MYH4: variants seen among roughly 807,000 people sequenced by gnomAD.
MYH4 encodes myosin heavy chain 4, also known as myosin-4.
A neutral mutation model predicts 229.9 loss-of-function variants in MYH4; 200 were observed. The observed-to-expected ratio is 0.87, with a 90% CI of 0.78 to 0.98. The LOEUF (loss-of-function observed/expected upper bound fraction) is 0.98. Among genes scored for constraint, MYH4 ranks in the 50% least tolerant of loss-of-function variants. MYH4 has a pLI of 0.00. For synonymous variants in MYH4, 761 were observed against 834.6 expected (o/e 0.91, Z 1.52); for missense variants, 2,148 against 2,332.6 (o/e 0.92, Z 1.63).
intron 27 of MYH4, 141 bp from the exon 28 acceptor site, chr17:10,451,593 T>A: frequency 1.1e-6 from 1 of 910,382 alleles, no homozygotes; most frequent in Non-Finnish European, 1.6e-6. Flanking sequence ...TATAAAGTAG[T>A]AGAGGCATTT....
rs1567698704 is a variant in MYH4, at chr17:10,448,057, T to G, written c.4726A>C (p.Ile1576Leu). ...TCTTTTTCAGCAATTTTTCGGTCAA[T>G]CTCAGATTTCACCTGATTTAGCTCA... ...QLELNQVKSE[I>L]DRKIAEKDEE... Residue 1576 changes from isoleucine to leucine, a missense_variant, in exon 34 of 40, where the codon ATT (isoleucine) becomes CTT (leucine). Ile to Leu is a conservative substitution (Grantham distance 5). Coordinates refer to ENST00000255381, the MANE Select transcript of MYH4 (RefSeq NM_017533.2). 3.1e-6 allele frequency: 5 copies of G among 1,614,126 alleles called. No individual in the cohort carries two copies. Among genetic ancestry groups the G allele is most frequent in the Non-Finnish European group, 4.2e-6 (5 of 1,180,010 alleles).
intron 11 of MYH4, 100 bp downstream of exon 11, chr17:10,462,765 T>C: frequency 1.1e-6 from 1 of 939,174 alleles, no homozygotes; most frequent in East Asian, 2.5e-5. Context: ...TTGTATTACC[T>C]ATTTATAGTC....
At chr17:10,454,509 G>A (rs367546389) in intron 22 of MYH4, 46 bp downstream of exon 22, 16 of 1,584,776 alleles carry the variant, frequency 1.0e-5, no homozygotes, top group East Asian at 2.2e-5. Flanking sequence ...ATTTTAAAAC[G>A]TTAAAAGTAA....
intron 15 of MYH4, among the ~76,000 whole-genome samples, chr17:10,458,657 A>G (rs899132610): frequency 1.3e-5 from 2 of 152,210 alleles, no homozygotes; most frequent in Non-Finnish European, 2.9e-5. Context: ...GGAAGTGTTT[A>G]ACGATTGCTT....
chr17:10,452,468 T>G lies in MYH4; in HGVS notation c.3296A>C (p.Glu1099Ala). The change falls in exon 26 of 40, where the codon GAA (glutamate) becomes GCA (alanine). Residue 1099 changes from glutamate (E) to alanine (A), a missense_variant. Physicochemically the swap from Glu to Ala is moderately radical, Grantham distance 107. Transcript: ENST00000255381. ...FEMSNLQGKI[E>A]DEQALAIQLQ... ...CTGTATTGCAAGGGCTTGTTCATCT[T>G]CAATCTTGCCTTGCAGATTGCTCAT... 1.9e-6 allele frequency: 3 copies of G among 1,614,148 alleles called. No individual in the cohort carries two copies. The highest frequency in any genetic ancestry group is 2.5e-6 in the Non-Finnish European group (3 of 1,180,004).
chr17:10,462,096 G>C (rs2072709552), intron 11 of MYH4, among the ~76,000 whole-genome samples: 1 of 152,150 alleles, frequency 6.6e-6, no homozygotes, highest in South Asian at 2.1e-4. Context: ...TTGACTTCTT[G>C]AAAATAATAT....
chr17:10,452,364 A>T, intron 26 of MYH4, 34 bp from the exon 27 acceptor site: 7 of 1,614,118 alleles, frequency 4.3e-6, no homozygotes, highest in Admixed American at 1.7e-5. Context: ...ATGTGAATTT[A>T]TGTCAGTTTT....
chr17:10,464,459 A>C lies in MYH4; in HGVS notation c.648+13T>G. 1 of 1,605,764 alleles carries C rather than the reference A, an allele frequency of 6.2e-7. No homozygotes were observed. Among genetic ancestry groups the C allele is most frequent in the South Asian group, 1.1e-5 (1 of 90,478 alleles). The stretch of plus-strand genomic sequence containing the variant: ...AATCTGTTATTCTGTCCTTAGATGA[A>C]TATCATGCCCACCTGCATTTTGCCA... On this transcript the variant is annotated intron_variant, in intron 7 of 39. Coordinates refer to ENST00000255381, the MANE Select transcript of MYH4 (RefSeq NM_017533.2).
At position 10,445,037 on chromosome 17, in the gene MYH4, T is replaced by C. The variant is rs2277649; in HGVS notation, c.5405A>G (p.Asp1802Gly). ...CTTCAGCGCCAGCTGCTCAGCCTCA[T>C]CCAGACGGAGCTGCAGATCCTTCAC... is the stretch of plus-strand genomic sequence containing the variant. ...QTVKDLQLRL[D>G]EAEQLALKGG... Residue 1802 changes from aspartate to glycine, a missense_variant, in exon 37 of 40, where the codon GAT (aspartate) becomes GGT (glycine). By Grantham distance (94) the Asp-to-Gly change is moderately conservative. Coordinates refer to ENST00000255381, the MANE Select transcript of MYH4 (RefSeq NM_017533.2). 0.38 allele frequency: 611,849 copies of C among 1,613,872 alleles called. 124,462 individuals are homozygous for C. The highest frequency in any genetic ancestry group is 0.81 in the East Asian group (36,273 of 44,868).
In MYH4 at chr17:10,457,510, G is replaced by A. The variant is rs1459477575; in HGVS notation, c.1807C>T (p.Pro603Ser). ...AGCCCCACCACAGTCTCATTCAGGGGGTCCTTGTTTTTGTCCAGCCAGCCG... is the reference window on the plus strand; with the variant it reads ...AGCCCCACCACAGTCTCATTCAGGGAGTCCTTGTTTTTGTCCAGCCAGCCG... ...IAGWLDKNKD[P>S]LNETVVGLYQ... is the part of the protein sequence containing the mutation. The change falls in exon 16 of 40, where the codon CCC (proline) becomes TCC (serine). Residue 603 changes from proline to serine, a missense_variant. Pro to Ser is a moderately conservative substitution (Grantham distance 74). Coordinates refer to ENST00000255381, the MANE Select transcript of MYH4 (RefSeq NM_017533.2). The A allele has an allele frequency of 2.5e-6, 4 of 1,614,066 alleles. No homozygotes were observed. Among genetic ancestry groups the A allele is most frequent in the Non-Finnish European group, 3.4e-6 (4 of 1,180,040 alleles).
Position 10,455,918 on chromosome 17 carries a change from A to C in MYH4, c.1969-17T>G. On this transcript the variant is annotated splice_polypyrimidine_tract_variant and intron_variant, in intron 17 of 39. Coordinates refer to ENST00000255381, the MANE Select transcript of MYH4 (RefSeq NM_017533.2). Reference sequence around the variant, plus strand: ...CAAATTCTCCTGTGGAACCATATGAAAAGTTTTAAAATCATTTCTAGTTGC... The same window carrying C: ...CAAATTCTCCTGTGGAACCATATGACAAGTTTTAAAATCATTTCTAGTTGC... 6.2e-7 allele frequency: 1 copy of C among 1,614,096 alleles called. No homozygotes were observed. Among genetic ancestry groups the C allele is most frequent in the Non-Finnish European group, 8.5e-7 (1 of 1,179,998 alleles).
chr17:10,451,889 T>C, intron 27 of MYH4, 52 bp downstream of exon 27: 1 of 1,544,654 alleles, frequency 6.5e-7, no homozygotes, highest in Non-Finnish European at 8.7e-7. Context: ...ATAAACTTGG[T>C]CATTTTGAAT....
rs1317485552 is a variant in MYH4 at position 10,450,778 on chromosome 17, T to C, written c.3983A>G (p.Lys1328Arg). ...ELKRQLEEET[K>R]AKSTLAHALQ... Reference sequence around the variant, plus strand: ...AAGTATCAGCTGGAGAATTCTCACCTTAGTCTCCTCTTCTAGCTGCCTCTT... The same window carrying C: ...AAGTATCAGCTGGAGAATTCTCACCCTAGTCTCCTCTTCTAGCTGCCTCTT... The change falls in exon 29 of 40, where the codon AAG becomes AGG. Residue 1328 changes from lysine to arginine, a missense_variant and splice_region_variant. Transcript: ENST00000255381. 6.2e-7 allele frequency: 1 copy of C among 1,612,792 alleles called. No individual in the cohort carries two copies. The highest frequency in any genetic ancestry group is 1.7e-5 in the Admixed American group (1 of 60,016).
intron 34 of MYH4, among the ~76,000 whole-genome samples, chr17:10,447,567 A>G (rs1389518677): frequency 1.3e-5 from 2 of 152,298 alleles, no homozygotes; most frequent in South Asian, 2.1e-4. Flanking sequence ...CATGTAGCCA[A>G]ACTCTTTCAT....
Position 10,453,249 on chromosome 17 carries a change from T to G in MYH4, c.3014A>C (p.Glu1005Ala). Residue 1005 changes from glutamate (E) to alanine (A), a missense_variant, in exon 24 of 40, where the codon GAG becomes GCG. Physicochemically the swap from Glu to Ala is moderately radical, Grantham distance 107. Transcript: ENST00000255381. Reference protein sequence around the residue: ...KLTKEKKALQEAHQQTLDDLQ... With the variant: ...KLTKEKKALQAAHQQTLDDLQ... The stretch of plus-strand genomic sequence containing the variant: ...GTCATCCAGGGTCTGCTGGTGGGCC[T>G]CCTGGAGAGCCTTCTTCTCCTTGGT... 6.2e-7 allele frequency: 1 copy of G among 1,614,080 alleles called. No individual in the cohort carries two copies. The highest frequency in any genetic ancestry group is 1.1e-5 in the South Asian group (1 of 91,090).
intron 23 of MYH4, 91 bp from the exon 24 acceptor site, chr17:10,453,419 C>A: frequency 1.3e-6 from 2 of 1,593,628 alleles, no homozygotes; most frequent in Non-Finnish European, 1.7e-6. Flanking sequence ...ATAATGTCAG[C>A]GTAAGATGGA....
At position 10,444,961 on chromosome 17, in the gene MYH4, G is replaced by A; in HGVS notation, c.5466+15C>T. On this transcript the variant is annotated intron_variant, in intron 37 of 39. Transcript: ENST00000255381. ...AACTGGCCACAAGGAATTGAGTGAA[G>A]TTGTGGAGACCTACCCTGGCCTCCA... The A allele has an allele frequency of 6.2e-7, 1 of 1,614,146 alleles. No homozygotes were observed. The highest frequency in any genetic ancestry group is 8.5e-7 in the Non-Finnish European group (1 of 1,180,024).
intron 5 of MYH4, 56 bp downstream of exon 5, chr17:10,465,386 G>A: frequency 6.3e-7 from 1 of 1,588,116 alleles, no homozygotes; most frequent in South Asian, 1.1e-5. Flanking sequence ...TGTTTTTTCT[G>A]ATATCAGTAT....
chr17:10,447,971 T>A lies in MYH4; in HGVS notation c.4812A>T (p.Thr1604=), dbSNP rs201268444. The A allele has an allele frequency of 1.0e-4, 163 of 1,614,068 alleles. No individual in the cohort carries two copies. The highest frequency in any genetic ancestry group is 2.2e-4 in the Admixed American group (13 of 60,008). ...TTCTGCTCCTGATCTCAGCATCCAGTGTACTCTGCATTGACTCCACAACTC... is the reference window on the plus strand; with the variant it reads ...TTCTGCTCCTGATCTCAGCATCCAGAGTACTCTGCATTGACTCCACAACTC... ...HLRVVESMQS[T]LDAEIRSRND... The change falls in exon 34 of 40, where the codon ACA becomes ACT. Residue 1604 remains threonine, a synonymous_variant. Transcript: ENST00000255381.
Sources: gnomAD v4.1 joint callset for allele counts (sites outside exome capture counted in the v4.1 genomes callset) on GRCh38, gnomAD v4.1.1 for gene constraint, MANE v1.5 for transcripts, NCBI Gene and HGNC (gene_info 2026-07-23, HGNC 2026-07-21) for gene names.